RBMS3: variants seen among roughly 807,000 people sequenced by gnomAD.
RBMS3 encodes RNA-binding motif, single-stranded-interacting protein 3.
Under a neutral mutation model 66.8 loss-of-function variants are expected in RBMS3, and 27 were observed. That is an observed-to-expected ratio of 0.40 (90% confidence interval 0.30 to 0.56). The LOEUF (loss-of-function observed/expected upper bound fraction) is 0.56, where lower values mean the gene tolerates loss of function less well. Among genes scored for constraint, RBMS3 ranks in the 20% least tolerant of loss-of-function variants. The probability of loss-of-function intolerance (pLI) is 0.40; values close to 1 mark genes in which losing one functional copy is unlikely to be tolerated. For synonymous variants in RBMS3, 188 were observed against 183.0 expected (o/e 1.03, Z -0.22); for missense variants, 513 against 549.5 (o/e 0.93, Z 0.66).
chr3:29,789,323 T>G (rs866706444), intron 6 of RBMS3, among the ~76,000 whole-genome samples: 5 of 152,232 alleles, frequency 3.3e-5, no homozygotes, highest in Middle Eastern at 3.4e-3. Context: ...AAAATGTAAC[T>G]GATTTTTTCT....
intron 12 of RBMS3, among the ~76,000 whole-genome samples, chr3:29,951,978 T>C (rs1016787284): frequency 6.6e-5 from 10 of 151,850 alleles, no homozygotes; most frequent in African/African-American, 1.9e-4. Context: ...TTTCTATTTC[T>C]AAACTTCTTG....
intron 3 of RBMS3, among the ~76,000 whole-genome samples, chr3:29,580,000 AG>A (rs1459466782): frequency 1.3e-5 from 2 of 152,206 alleles, no homozygotes; most frequent in African/African-American, 4.8e-5. Flanking sequence ...GAGGAAAGTG[AG>A]TTTTGGGATT....
At chr3:29,868,221 C>T (rs945860807) in intron 6 of RBMS3, among the ~76,000 whole-genome samples, 1 of 151,560 alleles carries the variant, frequency 6.6e-6, no homozygotes, top group Admixed American at 6.6e-5. Flanking sequence ...ATCTGGGACT[C>T]ACAAGTTATA....
intron 4 of RBMS3, among the ~76,000 whole-genome samples, chr3:29,666,746 A>G (rs1237765897): frequency 1.3e-5 from 2 of 152,180 alleles, no homozygotes; most frequent in Non-Finnish European, 2.9e-5. Context: ...AGCTATATGA[A>G]TCTGCCAAAA....
chr3:29,939,412 C>T (rs1204779392), intron 11 of RBMS3, among the ~76,000 whole-genome samples: 1 of 151,922 alleles, frequency 6.6e-6, no homozygotes, highest in African/African-American at 2.4e-5. Flanking sequence ...GTGCCTTTGG[C>T]AGCCTGAAAT....
chr3:29,643,470 G>A (rs1009769657), intron 4 of RBMS3, among the ~76,000 whole-genome samples: 3 of 152,006 alleles, frequency 2.0e-5, no homozygotes, highest in Non-Finnish European at 4.4e-5. Flanking sequence ...CTGCATTGCC[G>A]AGGGTGTCTT....
intron 1 of RBMS3, among the ~76,000 whole-genome samples, chr3:29,352,500 A>G (rs2036975624): frequency 6.6e-6 from 1 of 152,072 alleles, no homozygotes; most frequent in Admixed American, 6.6e-5. Context: ...GGTACATGTG[A>G]TATTTTGTTA....
At chr3:29,293,092 C>G (rs2032955743) in intron 1 of RBMS3, among the ~76,000 whole-genome samples, 1 of 151,812 alleles carries the variant, frequency 6.6e-6, no homozygotes, top group African/African-American at 2.4e-5. Context: ...TTACTCATCA[C>G]TAGTTCTCAA....
At chr3:29,725,185 T>C (rs1329057565) in intron 4 of RBMS3, among the ~76,000 whole-genome samples, 1 of 152,156 alleles carries the variant, frequency 6.6e-6, no homozygotes, top group Non-Finnish European at 1.5e-5. Context: ...AACATATAAC[T>C]AAGAAAAACT....
chr3:29,319,410 A>G (rs969020428), intron 1 of RBMS3, among the ~76,000 whole-genome samples: 1 of 151,928 alleles, frequency 6.6e-6, no homozygotes, highest in South Asian at 2.1e-4. Flanking sequence ...TAAGCTGGGG[A>G]CCTACTCAGC....
At chr3:29,577,387 G>A (rs2047157199) in intron 3 of RBMS3, among the ~76,000 whole-genome samples, 1 of 152,180 alleles carries the variant, frequency 6.6e-6, no homozygotes, top group South Asian at 2.1e-4. Context: ...GATGGCACAA[G>A]CATTCCTTTA....
At chr3:29,610,149 G>C (rs2048445984) in intron 4 of RBMS3, among the ~76,000 whole-genome samples, 1 of 151,952 alleles carries the variant, frequency 6.6e-6, no homozygotes, top group Admixed American at 6.6e-5. Flanking sequence ...TATCCAGGGA[G>C]ATATGGGGTA....
chr3:29,699,880 C>T (rs1559582231), intron 4 of RBMS3, among the ~76,000 whole-genome samples: 1 of 152,138 alleles, frequency 6.6e-6, no homozygotes, highest in African/African-American at 2.4e-5. Flanking sequence ...TGAGGCAGGA[C>T]AAGAAAGCCA....
At chr3:29,593,357 C>G (rs1256505086) in intron 4 of RBMS3, among the ~76,000 whole-genome samples, 2 of 152,094 alleles carry the variant, frequency 1.3e-5, no homozygotes, top group African/African-American at 4.8e-5. Context: ...CTAGGTAAAG[C>G]AGAAGAAACA....
At chr3:29,907,347 T>G (rs1268985231) in intron 10 of RBMS3, among the ~76,000 whole-genome samples, 1 of 152,164 alleles carries the variant, frequency 6.6e-6, no homozygotes, top group African/African-American at 2.4e-5. Context: ...ATCTTTATAT[T>G]TCATAATTCA....
At chr3:29,315,651 T>C (rs530773562) in intron 1 of RBMS3, among the ~76,000 whole-genome samples, 34 of 151,898 alleles carry the variant, frequency 2.2e-4, no homozygotes, top group Admixed American at 2.0e-4. Context: ...AGAGTCACGA[T>C]GTACTGTTAA....
At chr3:29,333,103 A>T (rs1412955283) in intron 1 of RBMS3, among the ~76,000 whole-genome samples, 1 of 152,130 alleles carries the variant, frequency 6.6e-6, no homozygotes, top group Non-Finnish European at 1.5e-5. Flanking sequence ...GATTCCTCTT[A>T]AATTTGTATA....
intron 6 of RBMS3, among the ~76,000 whole-genome samples, chr3:29,844,509 C>G (rs1374681712): frequency 6.6e-6 from 1 of 152,084 alleles, no homozygotes; most frequent in Non-Finnish European, 1.5e-5. Context: ...TTTTGCTTTC[C>G]TCTAATCTAA....
chr3:29,693,636 A>G (rs1356906720), intron 4 of RBMS3, among the ~76,000 whole-genome samples: 1 of 152,196 alleles, frequency 6.6e-6, no homozygotes, highest in Non-Finnish European at 1.5e-5. Flanking sequence ...TACTATTAGC[A>G]TATAAGAAAG....
Sources: gnomAD v4.1 joint callset for allele counts (sites outside exome capture counted in the v4.1 genomes callset) on GRCh38, gnomAD v4.1.1 for gene constraint, MANE v1.5 for transcripts, NCBI Gene and HGNC (gene_info 2026-07-23, HGNC 2026-07-21) for gene names.